KRT73: variants seen among roughly 807,000 people sequenced by gnomAD.
KRT73 encodes the protein keratin 73.
A neutral mutation model predicts 47.2 loss-of-function variants in KRT73; 44 were observed. The observed-to-expected ratio is 0.93, with a 90% confidence interval of 0.73 to 1.20. The LOEUF (loss-of-function observed/expected upper bound fraction) is 1.20. KRT73 is among the 50% of genes most tolerant of loss of function. The pLI is 0.00. For missense variants in KRT73, 713 were observed against 704.5 expected (o/e 1.01, Z -0.14); for synonymous variants, 285 against 291.3 (o/e 0.98, Z 0.22).
Position 52,616,205 on chromosome 12 carries a change from A to G in KRT73, c.623T>C (p.Leu208Pro), listed in dbSNP as rs761900852. Residue 208 changes from leucine (L) to proline (P), a missense_variant, in exon 2 of 9, where the codon CTG (leucine) becomes CCG (proline). Transcript: ENST00000305748. ...CTCCACCACTTCGCGCACGCTCCTC[A>G]GCTCCGAGTCCAGCCTCACCCTGTC... is the stretch of plus-strand genomic sequence containing the variant. ...SGDRVRLDSE[L>P]RSVREVVEDY... is the part of the protein sequence containing the mutation. 4 of 1,613,906 alleles carry G rather than the reference A, an allele frequency of 2.5e-6. No individual in the cohort carries two copies. The Admixed American group carries it at 6.7e-5, about 27-fold the overall frequency.
chr12:52,610,577 A>C lies in KRT73; in HGVS notation c.1331+38T>G, dbSNP rs1254812059. 9 of 955,418 alleles carry C rather than the reference A, an allele frequency of 9.4e-6. No individual in the cohort carries two copies. In the South Asian group the frequency reaches 1.2e-4, roughly 12 times the overall value. 59.2% of individuals were successfully genotyped at this position (955,418 alleles called of 1,614,324 possible). A position where few individuals can be genotyped will look rare whatever the true frequency, so the allele number is the denominator to read the frequency against. On this transcript the variant is annotated intron_variant, in intron 7 of 8. Transcript: ENST00000305748. Reference sequence around the variant, plus strand: ...CACACTCTGGGAAACTTTAAGGTGGAGACTTGCAGTTTCTTCCAGTCCCTC... The same window carrying C: ...CACACTCTGGGAAACTTTAAGGTGGCGACTTGCAGTTTCTTCCAGTCCCTC...
chr12:52,611,168 T>C (rs1940693273), intron 6 of KRT73, 36 bp downstream of exon 6: 1 of 1,612,858 alleles, frequency 6.2e-7, no homozygotes. Flanking sequence ...CACCCCTCCC[T>C]TAGGAGTGAG....
At chr12:52,626,718 G>A in the KRT73 span, among the ~76,000 whole-genome samples, 1 of 152,202 alleles carries the variant, frequency 6.6e-6, no homozygotes, top group Non-Finnish European at 1.5e-5. Flanking sequence ...CTGCCTGCTA[G>A]GTAAGCAAGC....
At chr12:52,613,587 C>T in intron 5 of KRT73, 101 bp downstream of exon 5, 2 of 1,554,236 alleles carry the variant, frequency 1.3e-6, no homozygotes, top group Non-Finnish European at 1.7e-6. Flanking sequence ...GCTGTGCTCC[C>T]AGCAAGCTAT....
In KRT73 at chr12:52,613,823, G is replaced by C; in HGVS notation, c.849C>G (p.Ser283Arg). 6.2e-7 allele frequency: 1 copy of C among 1,614,114 alleles called. No homozygotes were observed. The highest frequency in any genetic ancestry group is 8.5e-7 in the Non-Finnish European group (1 of 1,179,992). The change falls in exon 5 of 9, where the codon AGC (serine) becomes AGG (arginine). Residue 283 changes from serine (S) to arginine (R), a missense_variant. By Grantham distance (110) the Ser-to-Arg change is moderately radical. Transcript: ENST00000305748. ...CCATGGACAGGATGATGGACGTGTCGCTGATGTGGGACTGGATCTGAGCAG... is the reference window on the plus strand; with the variant it reads ...CCATGGACAGGATGATGGACGTGTCCCTGATGTGGGACTGGATCTGAGCAG... ...GETAQIQSHI[S>R]DTSIILSMDN...
At chr12:52,614,967 G>A (rs1940784933) in intron 3 of KRT73, 1 of 529,354 alleles carries the variant, frequency 1.9e-6, no homozygotes. Context: ...GACAGCCACG[G>A]CGATTTGCCA....
At chr12:52,608,909 T>C (rs954998426) in intron 8 of KRT73, among the ~76,000 whole-genome samples, 3 of 152,146 alleles carry the variant, frequency 2.0e-5, no homozygotes, top group Non-Finnish European at 4.4e-5. Context: ...TCCACTCCCA[T>C]TGAGGAGGCA....
At chr12:52,609,150 G>A in intron 8 of KRT73, 97 bp downstream of exon 8, 2 of 1,079,894 alleles carry the variant, frequency 1.9e-6, no homozygotes, top group South Asian at 2.5e-5. Context: ...AACAGGCAGA[G>A]CCAAGCTCTT....
the KRT73 span, among the ~76,000 whole-genome samples, chr12:52,628,693 G>A: frequency 3.4e-4 from 52 of 152,278 alleles, no homozygotes; most frequent in South Asian, 8.3e-4. Flanking sequence ...AGAGCACTAC[G>A]AGCCTGCAGG....
chr12:52,625,503 C>T, the KRT73 span, among the ~76,000 whole-genome samples: 2 of 152,128 alleles, frequency 1.3e-5, no homozygotes, highest in African/African-American at 4.8e-5. Context: ...GGCAAGGACC[C>T]AGAGAAACTA....
the KRT73 span, among the ~76,000 whole-genome samples, chr12:52,624,418 T>A: frequency 6.6e-6 from 1 of 152,214 alleles, no homozygotes; most frequent in East Asian, 1.9e-4. Context: ...AGGATCTAAT[T>A]GATATTTATA....
chr12:52,613,790 G>C lies in KRT73; in HGVS notation c.882C>G (p.Asn294Lys), dbSNP rs1383021730. The C allele has an allele frequency of 6.2e-7, 1 of 1,614,134 alleles. No homozygotes were observed. Among genetic ancestry groups the C allele is most frequent in the Non-Finnish European group, 8.5e-7 (1 of 1,180,054 alleles). ...TGATGCTGTCCAGGTCCAGGTTCCG[G>C]TTGTTGTCCATGGACAGGATGATGG... ...DTSIILSMDNNRNLDLDSIIA... is the reference protein window; with the variant it reads ...DTSIILSMDNKRNLDLDSIIA... The change falls in exon 5 of 9, where the codon AAC becomes AAG. Residue 294 changes from asparagine (N) to lysine (K), a missense_variant. Coordinates refer to ENST00000305748, the MANE Select transcript of KRT73 (RefSeq NM_175068.3).
intron 7 of KRT73, 86 bp downstream of exon 7, chr12:52,610,529 G>GCCTCCCCCCC: frequency 3.4e-6 from 1 of 295,156 alleles, no homozygotes; most frequent in Non-Finnish European, 6.8e-6. Context: ...CCAGCTCGCC[G>GCCTCCCCCCC]CCCCCTCCCC....
chr12:52,618,482 C>G lies in KRT73; in HGVS notation c.43G>C (p.Gly15Arg), dbSNP rs771887759. The G allele has an allele frequency of 1.9e-6, 3 of 1,611,362 alleles. No homozygotes were observed. Among genetic ancestry groups the G allele is most frequent in the East Asian group, 4.5e-5 (2 of 44,822 alleles). Residue 15 changes from glycine to arginine, a missense_variant, in exon 1 of 9, where the codon GGG (glycine) becomes CGG (arginine). Coordinates refer to ENST00000305748, the MANE Select transcript of KRT73 (RefSeq NM_175068.3). ...ACAGCGGAGCAGCCGCTGAAGCCCC[C>G]CTTGGCAGCAGCTCCCGACTTGTAG... Reference protein sequence around the residue: ...FTYKSGAAAKGGFSGCSAVLS... With the variant: ...FTYKSGAAAKRGFSGCSAVLS...
rs1462052549 is a variant in KRT73, at chr12:52,608,461, G to A, written c.1367-9C>T. On this transcript the variant is annotated splice_polypyrimidine_tract_variant and intron_variant, in intron 8 of 8. Coordinates refer to ENST00000305748, the MANE Select transcript of KRT73 (RefSeq NM_175068.3). ...GGAGCTGTTGATGACCGCTGCAGAG[G>A]AGGGAGGGACGAGTGATCAGTGTAT... The A allele has an allele frequency of 1.6e-5, 26 of 1,603,302 alleles. No individual in the cohort carries two copies. The East Asian group carries it at 5.6e-4, about 34-fold the overall frequency.
the KRT73 span, among the ~76,000 whole-genome samples, chr12:52,624,789 A>G: frequency 6.8e-6 from 1 of 146,136 alleles, no homozygotes; most frequent in Non-Finnish European, 1.5e-5. Context: ...AACCCATAAC[A>G]GAAACAAAAA....
At chr12:52,608,601 C>G (rs1940634002) in intron 8 of KRT73, 149 bp from the exon 9 acceptor site, 1 of 680,716 alleles carries the variant, frequency 1.5e-6, no homozygotes, top group Non-Finnish European at 2.4e-6. Flanking sequence ...TTCATTTGAG[C>G]AACTCAAGCG....
upstream of KRT73, among the ~76,000 whole-genome samples, chr12:52,619,738 G>T (rs1463250081): frequency 2.0e-5 from 3 of 152,190 alleles, no homozygotes; most frequent in Non-Finnish European, 4.4e-5. Flanking sequence ...GGTAGGGGAA[G>T]ACATTTGAAT....
the KRT73 span, among the ~76,000 whole-genome samples, chr12:52,624,594 A>G: frequency 6.6e-6 from 1 of 152,260 alleles, no homozygotes; most frequent in South Asian, 2.1e-4. Flanking sequence ...CTGAATGTAA[A>G]CAAAGGAAAG....
Sources: gnomAD v4.1 joint callset for allele counts (sites outside exome capture counted in the v4.1 genomes callset) on GRCh38, gnomAD v4.1.1 for gene constraint, MANE v1.5 for transcripts, NCBI Gene and HGNC (gene_info 2026-07-23, HGNC 2026-07-21) for gene names.